Variants in SLC45A4 observed in about 807,000 individuals in gnomAD.
The protein encoded by SLC45A4 is solute carrier family 45 member 4.
Under a neutral mutation model 63.7 loss-of-function variants are expected in SLC45A4, and 32 were observed. That is an observed-to-expected ratio of 0.50 (90% CI 0.38 to 0.67). SLC45A4 has a LOEUF of 0.67. Among genes scored for constraint, SLC45A4 ranks in the 30% least tolerant of loss-of-function variants. The pLI, the probability that SLC45A4 is intolerant of heterozygous loss-of-function variation, is 0.00. For synonymous variants in SLC45A4, 535 were observed against 510.0 expected (o/e 1.05, Z -0.66); for missense variants, 1,027 against 1,157.7 (o/e 0.89, Z 1.64).
chr8:141,268,541 G>T (rs943416340), intron 1 of SLC45A4, among the ~76,000 whole-genome samples: 3 of 152,160 alleles, frequency 2.0e-5, no homozygotes, highest in African/African-American at 7.2e-5. Context: ...GGCTGGGAGT[G>T]GGGGCAGGGG....
chr8:141,213,790 G>A (rs1163240589), intron 7 of SLC45A4, among the ~76,000 whole-genome samples: 3 of 152,170 alleles, frequency 2.0e-5, no homozygotes, highest in Non-Finnish European at 2.9e-5. Context: ...TAACTAACAC[G>A]GGAGGAAAAA....
In SLC45A4 at chr8:141,283,155, A is replaced by G. The variant is rs527905087; in HGVS notation, c.-401+24941T>C. ...CACATCACTGCTTCTCCTATCCCAC[A>G]ACCTCACGAACATGAGATTCCTCAA... On this transcript the variant is annotated intron_variant, in intron 1 of 8. Transcript: ENST00000517878. Among the ~76,000 whole-genome samples the G allele has an allele frequency of 3.9e-5, 6 of 152,368 alleles. No individual in the cohort carries two copies. In the South Asian group the frequency reaches 1.2e-3, roughly 32 times the overall value.
At chr8:141,260,994 G>A (rs1241901850) in intron 1 of SLC45A4, among the ~76,000 whole-genome samples, 6 of 152,130 alleles carry the variant, frequency 3.9e-5, no homozygotes, top group African/African-American at 1.4e-4. Context: ...CTGGCAAACC[G>A]AATCCAGCAG....
At chr8:141,291,366 T>C in intron 1 of SLC45A4, among the ~76,000 whole-genome samples, 1 of 152,226 alleles carries the variant, frequency 6.6e-6, no homozygotes, top group East Asian at 1.9e-4. Context: ...GGAATTTTTG[T>C]TGTGATGTGG....
chr8:141,287,264 T>C (rs966799624), intron 1 of SLC45A4, among the ~76,000 whole-genome samples: 2 of 152,216 alleles, frequency 1.3e-5, no homozygotes, highest in African/African-American at 4.8e-5. Context: ...AAAAGACTGA[T>C]TTTAACAGGC....
chr8:141,276,689 C>T (rs889863611), intron 1 of SLC45A4, among the ~76,000 whole-genome samples: 3 of 152,210 alleles, frequency 2.0e-5, no homozygotes, highest in Admixed American at 6.5e-5. Context: ...CTACAAGGCA[C>T]TGAGCCTACC....
rs769579452 is a variant in SLC45A4 at position 141,256,580 on chromosome 8, C to T, written c.-400-1951G>A. 12 of 456,132 alleles carry T rather than the reference C, an allele frequency of 2.6e-5. No homozygotes were observed. Among genetic ancestry groups the T allele is most frequent in the South Asian group, 7.7e-5 (5 of 64,578 alleles). The allele number at this position is 456,132 out of a possible 1,614,324, so 28.3% of individuals were successfully genotyped here. A position where few individuals can be genotyped will look rare whatever the true frequency, so the allele number is the denominator to read the frequency against. Reference sequence around the variant, plus strand: ...CAGGAGGTTCTGGAAGGAAGCCGTGCGCCTGGCTCTTACGTCCCAGCTCTT... The same window carrying T: ...CAGGAGGTTCTGGAAGGAAGCCGTGTGCCTGGCTCTTACGTCCCAGCTCTT... On this transcript the variant is annotated intron_variant, in intron 1 of 8. Coordinates refer to ENST00000517878, the MANE Select transcript of SLC45A4 (RefSeq NM_001286646.2). The surrounding 1 kb of genome is among the most constrained non-coding windows in gnomAD (Gnocchi z 4.3).
At chr8:141,268,076 G>T (rs1025453838) in intron 1 of SLC45A4, among the ~76,000 whole-genome samples, 44 of 152,214 alleles carry the variant, frequency 2.9e-4, no homozygotes, top group African/African-American at 1.0e-3. Flanking sequence ...TCCTTGTGTA[G>T]GTGACTGAAT....
intron 1 of SLC45A4, among the ~76,000 whole-genome samples, chr8:141,272,595 C>T (rs1404193150): frequency 6.6e-6 from 1 of 152,206 alleles, no homozygotes; most frequent in Non-Finnish European, 1.5e-5. Context: ...CCAAACCCTT[C>T]CGGAGAGCCT....
At chr8:141,280,021 C>T (rs1357170535) in intron 1 of SLC45A4, among the ~76,000 whole-genome samples, 3 of 152,250 alleles carry the variant, frequency 2.0e-5, no homozygotes, top group East Asian at 1.9e-4. Flanking sequence ...GGCCACAGGG[C>T]AGCGAGGCAT....
chr8:141,217,834 A>G (rs1252072232), intron 5 of SLC45A4, among the ~76,000 whole-genome samples, 177 bp downstream of exon 5: 1 of 152,024 alleles, frequency 6.6e-6, no homozygotes, highest in African/African-American at 2.4e-5. Flanking sequence ...CCAAGTTCCC[A>G]GAGGCGCGCG....
Position 141,221,679 on chromosome 8 carries a change from C to T in SLC45A4, c.328G>A (p.Asp110Asn). The T allele has an allele frequency of 6.2e-7, 1 of 1,614,110 alleles. No homozygotes were observed. The highest frequency in any genetic ancestry group is 8.5e-7 in the Non-Finnish European group (1 of 1,180,040). ...CGGCCCCAGCTCAGGGTGCACCGGT[C>T]ACTCGCAGACCCAATGAGAGGTGTG... ...IFTPLIGSAS[D>N]RCTLSWGRRR... is the part of the protein sequence containing the mutation. The change falls in exon 3 of 9, where the codon GAC becomes AAC. Residue 110 changes from aspartate (D) to asparagine (N), a missense_variant. Coordinates refer to ENST00000517878, the MANE Select transcript of SLC45A4 (RefSeq NM_001286646.2).
intron 8 of SLC45A4, 121 bp from the exon 9 acceptor site, chr8:141,211,818 T>C (rs770023372): frequency 1.9e-5 from 25 of 1,322,316 alleles, no homozygotes; most frequent in Non-Finnish European, 2.4e-5. Flanking sequence ...ATTTTAGAAA[T>C]GCAAAATCTT....
chr8:141,282,590 C>T (rs72681596), intron 1 of SLC45A4, among the ~76,000 whole-genome samples: 2,767 of 152,362 alleles, frequency 0.018, 44 homozygotes, highest in Non-Finnish European at 0.029. Context: ...CTCGTGGATG[C>T]GGTCCTCCCT....
chr8:141,227,806 C>T lies in SLC45A4; in HGVS notation c.242-6041G>A, dbSNP rs765712930. 1.4e-4 allele frequency among the ~76,000 whole-genome samples: 21 copies of T among 152,322 alleles called. No individual in the cohort carries two copies. The highest frequency in any genetic ancestry group is 2.9e-4 in the Non-Finnish European group (20 of 68,016). On this transcript the variant is annotated intron_variant, in intron 2 of 8. Transcript: ENST00000517878. This position sits in a 1 kb window ranked among gnomAD's most constrained non-coding sequence, Gnocchi z 4.4. ...TGCTTTTCCTGAGCCTACTACAAAC[C>T]GGCCCGTCATTTAGGGTGGAGGGGA...
chr8:141,295,731 C>T (rs1215375539), intron 1 of SLC45A4, among the ~76,000 whole-genome samples: 1 of 152,218 alleles, frequency 6.6e-6, no homozygotes, highest in Admixed American at 6.5e-5. Flanking sequence ...GAAAGGTCTC[C>T]AGAGGCTGGA....
At chr8:141,277,650 T>A (rs1168458729) in intron 1 of SLC45A4, among the ~76,000 whole-genome samples, 1 of 152,180 alleles carries the variant, frequency 6.6e-6, no homozygotes, top group Non-Finnish European at 1.5e-5. Context: ...TTAAACATTT[T>A]TTTTTTTGAG....
chr8:141,294,163 G>C (rs1402888122), intron 1 of SLC45A4, among the ~76,000 whole-genome samples: 1 of 152,156 alleles, frequency 6.6e-6, no homozygotes, highest in Non-Finnish European at 1.5e-5. Context: ...CAGGGTCTCT[G>C]TGTACTGTTA....
At chr8:141,233,479 C>T (rs866921049) in intron 2 of SLC45A4, among the ~76,000 whole-genome samples, 3 of 152,056 alleles carry the variant, frequency 2.0e-5, no homozygotes, top group Admixed American at 6.5e-5. Context: ...GCCAGAAGTT[C>T]GAGATCAGCC....
Sources: gnomAD v4.1 joint callset for allele counts (sites outside exome capture counted in the v4.1 genomes callset) on GRCh38, gnomAD v4.1.1 for gene constraint, Gnocchi (gnomAD v3.1) non-coding constraint, MANE v1.5 for transcripts, NCBI Gene and HGNC (gene_info 2026-07-23, HGNC 2026-07-21) for gene names.